The following EP400 variants were observed in gnomAD, a reference collection of about 807,000 sequenced individuals.
The protein encoded by EP400 is E1A binding protein p400.
Under a neutral mutation model 354.1 loss-of-function variants are expected in EP400, and 105 were observed. The observed-to-expected ratio is 0.30, with a 90% CI of 0.25 to 0.35. The LOEUF is 0.35. Among genes scored for constraint, EP400 ranks in the 10% least tolerant of loss-of-function variants. EP400 has a pLI of 1.00. For synonymous variants in EP400, 1,646 were observed against 1,716.9 expected (o/e 0.96, Z 1.02); for missense variants, 3,280 against 4,121.0 (o/e 0.80, Z 5.59).
At chr12:132,004,793 G>A (rs1202312438) in intron 12 of EP400, among the ~76,000 whole-genome samples, 2 of 152,138 alleles carry the variant, frequency 1.3e-5, no homozygotes, top group Non-Finnish European at 2.9e-5. Context: ...AATGTGTGTT[G>A]CACCTACTAA....
chr12:131,973,609 C>G (rs574515968), intron 2 of EP400, among the ~76,000 whole-genome samples: 30 of 152,296 alleles, frequency 2.0e-4, no homozygotes, highest in Non-Finnish European at 2.6e-4. Context: ...TGCCGCTGCA[C>G]TCCAGCCTGG....
At chr12:131,975,760 CGTT>C (rs1566168350) in intron 2 of EP400, among the ~76,000 whole-genome samples, 1 of 152,004 alleles carries the variant, frequency 6.6e-6, no homozygotes, top group African/African-American at 2.4e-5. Context: ...ATTTTCGCCA[CGTT>C]GGTCAGGCTG....
chr12:132,000,659 G>T (rs762177932), intron 12 of EP400, among the ~76,000 whole-genome samples: 17 of 152,132 alleles, frequency 1.1e-4, no homozygotes, highest in Non-Finnish European at 2.1e-4. Flanking sequence ...TATAGGTTTA[G>T]AATTGTTATC....
At position 131,994,437 on chromosome 12, in the gene EP400, A is replaced by AGAGC. The variant is rs1893140033; in HGVS notation, c.2738-428_2738-425dup. On this transcript the variant is annotated intron_variant, in intron 11 of 52. Coordinates refer to ENST00000389561, the MANE Select transcript of EP400 (RefSeq NM_015409.5). The surrounding 1 kb of genome is among the most constrained non-coding windows in gnomAD (Gnocchi z 4.6). The stretch of plus-strand genomic sequence containing the variant: ...GAGGTTCAGGGCTGGAGGGCTGAAG[A>AGAGC]GAGCGGAGTGGGCTTGGGTTGGTGA... Among the ~76,000 whole-genome samples the AGAGC allele has an allele frequency of 6.6e-6, 1 of 152,076 alleles. No homozygotes were observed. The highest frequency in any genetic ancestry group is 2.1e-4 in the South Asian group (1 of 4,818).
intron 45 of EP400, among the ~76,000 whole-genome samples, chr12:132,059,816 A>G (rs989850583): frequency 6.6e-6 from 1 of 151,914 alleles, no homozygotes; most frequent in Non-Finnish European, 1.5e-5. Context: ...GAGATAAGAG[A>G]CCATTCTGGC....
At position 132,013,299 on chromosome 12, in the gene EP400, A is replaced by G; in HGVS notation, c.3611+121A>G. On this transcript the variant is annotated intron_variant, in intron 17 of 52. Coordinates refer to ENST00000389561, the MANE Select transcript of EP400 (RefSeq NM_015409.5). The surrounding 1 kb of genome is among the most constrained non-coding windows in gnomAD (Gnocchi z 4.5). ...CCTTTGAGCTAGAGAATTGCTTTTC[A>G]TCTTCATCCCAGCACATGGGCCAGA... The G allele has an allele frequency of 2.1e-6, 3 of 1,437,196 alleles. No individual in the cohort carries two copies. Among genetic ancestry groups the G allele is most frequent in the South Asian group, 1.4e-5 (1 of 71,774 alleles). 89.0% of individuals were successfully genotyped at this position (1,437,196 alleles called of 1,614,324 possible).
rs767341139 is a variant in EP400, at chr12:131,987,833, G to C, written c.2352G>C (p.Gln784His). 7 of 1,613,594 alleles carry C rather than the reference G, an allele frequency of 4.3e-6. No homozygotes were observed. The African/African-American group carries it at 9.3e-5, about 22-fold the overall frequency. Residue 784 changes from glutamine to histidine, a missense_variant, in exon 7 of 53, where the codon CAG (glutamine) becomes CAC (histidine). Around this residue, in one of 20 missense-constraint regions of EP400, gnomAD observed 800 missense variants for 840.0 expected, o/e 0.95. Transcript: ENST00000389561. ...GGGACTATCTGCTGGAGGAGATGCAGTGGATGGCCACAGACTTTGCCCAGG... is the reference window on the plus strand; with the variant it reads ...GGGACTATCTGCTGGAGGAGATGCACTGGATGGCCACAGACTTTGCCCAGG... ...SHWDYLLEEM[Q>H]WMATDFAQER...
At position 131,986,668 on chromosome 12, in the gene EP400, C is replaced by G; in HGVS notation, c.2084C>G (p.Thr695Ser). Residue 695 changes from threonine (T) to serine (S), a missense_variant, in exon 6 of 53, where the codon ACC becomes AGC. Physicochemically the swap from Thr to Ser is moderately conservative, Grantham distance 58 (BLOSUM62 1). Transcript: ENST00000389561. ...CCAGTAAATAGACCTTCCTCAGCCA[C>G]CAATAAGGCACTATCTCCAGTCACT... is the stretch of plus-strand genomic sequence containing the variant. ...SSPVNRPSSA[T>S]NKALSPVTSR... The G allele has an allele frequency of 6.2e-7, 1 of 1,614,168 alleles. No individual in the cohort carries two copies. The highest frequency in any genetic ancestry group is 8.5e-7 in the Non-Finnish European group (1 of 1,180,036).
Position 132,080,169 on chromosome 12 carries a change from AAC to A in EP400, c.*2498_*2499del, listed in dbSNP as rs995640026. 2.6e-5 allele frequency: 4 copies of A among 152,340 alleles called. No individual in the cohort carries two copies. The highest frequency in any genetic ancestry group is 2.6e-4 in the Admixed American group (4 of 15,288). 9.4% of individuals were successfully genotyped at this position (152,340 alleles called of 1,614,324 possible). On this transcript the variant is annotated 3_prime_UTR_variant, in exon 53 of 53. Coordinates refer to ENST00000389561, the MANE Select transcript of EP400 (RefSeq NM_015409.5). Reference sequence around the variant, plus strand: ...GAAAGACGTTTATTCTGATGATAAAAACAGTTAGCCAGACTGTTTTTAAAGCA... The same window carrying A: ...GAAAGACGTTTATTCTGATGATAAAAAGTTAGCCAGACTGTTTTTAAAGCA...
intron 15 of EP400, among the ~76,000 whole-genome samples, chr12:132,011,046 A>G (rs1893747929): frequency 6.6e-6 from 1 of 152,222 alleles, no homozygotes; most frequent in Admixed American, 6.5e-5. Flanking sequence ...AGCGATGGAC[A>G]CAAGCCCTTG....
At chr12:132,001,246 AG>A (rs572929948) in intron 12 of EP400, among the ~76,000 whole-genome samples, 488 of 152,248 alleles carry the variant, frequency 3.2e-3, no homozygotes, top group African/African-American at 0.011. Flanking sequence ...ACAAAGCAAA[AG>A]GGGCAGGGTA....
chr12:131,986,487 TG>T (rs1273189935), intron 5 of EP400, 26 bp from the exon 6 acceptor site: 11 of 1,561,462 alleles, frequency 7.0e-6, no homozygotes, highest in Non-Finnish European at 9.5e-6. Flanking sequence ...TTCTTCACCT[TG>T]CTCCACTTGT....
At chr12:132,043,004 C>T (rs1179407399) in intron 32 of EP400, among the ~76,000 whole-genome samples, 1 of 152,224 alleles carries the variant, frequency 6.6e-6, no homozygotes, top group Non-Finnish European at 1.5e-5. Context: ...GCTTCCTTGG[C>T]CCTGGGTGCC....
intron 10 of EP400, 131 bp downstream of exon 10, chr12:131,991,587 T>TG (rs1444943839): frequency 1.1e-6 from 1 of 895,826 alleles, no homozygotes; most frequent in African/African-American, 1.7e-5. Context: ...TTTTTTTTTT[T>TG]TTTTTGTTTT....
chr12:131,986,519 A>G lies in EP400; in HGVS notation c.1935A>G (p.Val645=). The G allele has an allele frequency of 6.3e-7, 1 of 1,599,180 alleles. No individual in the cohort carries two copies. Among genetic ancestry groups the G allele is most frequent in the Non-Finnish European group, 8.5e-7 (1 of 1,171,278 alleles). ...CTTGTGCCCTGCCCTTACAGATGGTAGCATCGACAAGGCTCCCTGTGGACC... is the reference window on the plus strand; with the variant it reads ...CTTGTGCCCTGCCCTTACAGATGGTGGCATCGACAAGGCTCCCTGTGGACC... ...ASQLSSLPQM[V]ASTRLPVDPA... Residue 645 remains valine, a synonymous_variant, in exon 6 of 53, where the codon GTA becomes GTG. Transcript: ENST00000389561.
intron 12 of EP400, among the ~76,000 whole-genome samples, chr12:132,003,203 A>C (rs527704312): frequency 3.3e-5 from 5 of 151,548 alleles, no homozygotes; most frequent in East Asian, 1.9e-4. Flanking sequence ...AAAAAAAAAA[A>C]AAACAGCCAA....
At chr12:132,019,554 A>C (rs1376909839) in intron 21 of EP400, among the ~76,000 whole-genome samples, 5 of 152,028 alleles carry the variant, frequency 3.3e-5, no homozygotes, top group Non-Finnish European at 7.4e-5. Context: ...AAAAAAAATC[A>C]AATCCAGGCG....
chr12:132,055,599 G>A (rs1443850953), intron 45 of EP400, among the ~76,000 whole-genome samples: 1 of 132,944 alleles, frequency 7.5e-6, no homozygotes, highest in Non-Finnish European at 1.6e-5. Context: ...GTGTGGTATA[G>A]GGGTGTGTGT....
At chr12:131,984,551 T>G (rs1030771258) in intron 5 of EP400, among the ~76,000 whole-genome samples, 3 of 152,124 alleles carry the variant, frequency 2.0e-5, no homozygotes, top group Admixed American at 2.0e-4. Flanking sequence ...ATTGCTTGCT[T>G]TAGGTTTTTG....
Sources: allele counts gnomAD v4.1 joint callset (sites outside exome capture counted in the v4.1 genomes callset), GRCh38; gene constraint gnomAD v4.1.1; regional missense constraint gnomAD v4.1.1; non-coding constraint Gnocchi (gnomAD v3.1); transcripts MANE v1.5; gene names NCBI Gene and HGNC (gene_info 2026-07-23, HGNC 2026-07-21).